The following MACROD2 variants were observed in gnomAD, a reference collection of about 807,000 sequenced individuals.
MACROD2 encodes the protein mono-ADP ribosylhydrolase 2, also known as ADP-ribose glycohydrolase MACROD2.
MACROD2 carries 36 observed loss-of-function variants against 70.4 expected under a neutral mutation model. The observed-to-expected ratio is 0.51, with a 90% CI of 0.39 to 0.68. MACROD2 has a LOEUF of 0.68. MACROD2 is among the 30% of genes least tolerant of loss of function. The pLI, the probability that MACROD2 is intolerant of heterozygous loss-of-function variation, is 0.00. For synonymous variants in MACROD2, 172 were observed against 178.8 expected (o/e 0.96, Z 0.30); for missense variants, 496 against 538.4 (o/e 0.92, Z 0.78).
intron 8 of MACROD2, among the ~76,000 whole-genome samples, chr20:15,581,563 A>C (rs1239832630): frequency 6.6e-6 from 1 of 152,204 alleles, no homozygotes; most frequent in Non-Finnish European, 1.5e-5. Flanking sequence ...AGAGGTCTCT[A>C]AGGCGTTATG....
intron 5 of MACROD2, among the ~76,000 whole-genome samples, chr20:14,989,303 G>T (rs1279011328): frequency 2.6e-5 from 4 of 152,178 alleles, no homozygotes; most frequent in Non-Finnish European, 4.4e-5. Context: ...TCTGATTAAT[G>T]ATTTTGATAC....
At chr20:14,886,087 A>G (rs1338699548) in intron 5 of MACROD2, among the ~76,000 whole-genome samples, 1 of 152,202 alleles carries the variant, frequency 6.6e-6, no homozygotes, top group Non-Finnish European at 1.5e-5. Flanking sequence ...AATAAATGTG[A>G]AGCAGGATGG....
chr20:14,830,620 T>C (rs2072953739), intron 5 of MACROD2, among the ~76,000 whole-genome samples: 1 of 152,110 alleles, frequency 6.6e-6, no homozygotes, highest in South Asian at 2.1e-4. Context: ...AACATGCAGA[T>C]TGAGAGAAAC....
intron 10 of MACROD2, among the ~76,000 whole-genome samples, chr20:15,902,994 A>G (rs1421596245): frequency 3.3e-5 from 5 of 152,258 alleles, no homozygotes; most frequent in African/African-American, 1.2e-4. Context: ...GATCTCTCTG[A>G]TTATTAAGTT....
intron 5 of MACROD2, among the ~76,000 whole-genome samples, chr20:14,962,680 ACTTCTTC>A (rs1348308391): frequency 4.7e-5 from 7 of 149,890 alleles, no homozygotes; most frequent in African/African-American, 1.7e-4. Flanking sequence ...TTTCTTCATT[ACTTCTTC>A]CTTCTTATCT....
At chr20:14,819,814 A>T (rs1304215577) in intron 5 of MACROD2, among the ~76,000 whole-genome samples, 1 of 152,102 alleles carries the variant, frequency 6.6e-6, no homozygotes, top group Non-Finnish European at 1.5e-5. Flanking sequence ...CATTGAAAGG[A>T]CAATGTGGCT....
chr20:14,685,891 G>A (rs1036202158), intron 5 of MACROD2, among the ~76,000 whole-genome samples: 4 of 152,130 alleles, frequency 2.6e-5, no homozygotes, highest in Admixed American at 6.5e-5. Flanking sequence ...GATACTATGG[G>A]TTATATATAG....
intron 8 of MACROD2, among the ~76,000 whole-genome samples, chr20:15,545,005 T>A (rs2048008230): frequency 6.6e-6 from 1 of 152,216 alleles, no homozygotes; most frequent in South Asian, 2.1e-4. Context: ...AATGTTTTCC[T>A]GCTAAATGTT....
intron 3 of MACROD2, among the ~76,000 whole-genome samples, chr20:14,289,997 TA>T (rs11087083): frequency 0.69 from 104,468 of 151,830 alleles, 36,521 homozygotes; most frequent in Non-Finnish European, 0.74. Context: ...AGTAGGAACT[TA>T]ACAGTTAAGT....
chr20:14,338,798 G>T (rs2082980541), intron 3 of MACROD2, among the ~76,000 whole-genome samples: 1 of 152,128 alleles, frequency 6.6e-6, no homozygotes, highest in Admixed American at 6.6e-5. Flanking sequence ...CTAATTAACA[G>T]AATTATACTT....
At chr20:15,098,646 C>G (rs183584849) in intron 5 of MACROD2, among the ~76,000 whole-genome samples, 1 of 152,172 alleles carries the variant, frequency 6.6e-6, no homozygotes, top group South Asian at 2.1e-4. Context: ...CCTTGCTATC[C>G]TAAGATTATA....
intron 5 of MACROD2, among the ~76,000 whole-genome samples, chr20:14,718,107 A>G (rs1230605681): frequency 6.6e-6 from 1 of 151,912 alleles, no homozygotes; most frequent in Non-Finnish European, 1.5e-5. Flanking sequence ...AGCCTGACCA[A>G]CATGGTGAAA....
chr20:15,258,382 G>T (rs977505383), intron 6 of MACROD2, among the ~76,000 whole-genome samples: 10 of 151,996 alleles, frequency 6.6e-5, no homozygotes, highest in African/African-American at 2.4e-4. Flanking sequence ...TCCCTTCATG[G>T]CAAGTGCCCT....
chr20:15,570,701 T>G (rs2048365860), intron 8 of MACROD2, among the ~76,000 whole-genome samples: 1 of 152,166 alleles, frequency 6.6e-6, no homozygotes, highest in Admixed American at 6.5e-5. Context: ...TCAGGTTCAT[T>G]CAAGTTTAGC....
At chr20:15,776,294 C>T (rs930956738) in intron 8 of MACROD2, among the ~76,000 whole-genome samples, 1 of 152,108 alleles carries the variant, frequency 6.6e-6, no homozygotes, top group Non-Finnish European at 1.5e-5. Context: ...TCCCTTACTC[C>T]CTTGACCTGC....
At chr20:14,684,712 C>A in intron 4 of MACROD2, 131 bp from the exon 5 acceptor site, 1 of 628,452 alleles carries the variant, frequency 1.6e-6, no homozygotes, top group East Asian at 3.1e-5. Flanking sequence ...CATTGGACAC[C>A]CTGGGTTTTC....
In MACROD2 at chr20:15,841,885, AG is replaced by A. The variant is rs543160728; in HGVS notation, c.646-20857del. On this transcript the variant is annotated intron_variant, in intron 8 of 17. Transcript: ENST00000684519. ...ATAGAGATGCAAAAAATTAAACAAG[AG>A]GGTTCAGTTCTACCCCATTTCCTCT... 1.8e-3 allele frequency among the ~76,000 whole-genome samples: 281 copies of A among 152,258 alleles called. 2 individuals are homozygous for A. The highest frequency in any genetic ancestry group is 3.2e-3 in the Non-Finnish European group (215 of 68,010).
intron 6 of MACROD2, among the ~76,000 whole-genome samples, chr20:15,308,894 C>G (rs953245472): frequency 3.3e-5 from 5 of 152,220 alleles, no homozygotes; most frequent in East Asian, 1.9e-4. Context: ...TTGACTGGGC[C>G]TCCTTGTGCT....
chr20:14,029,875 G>A (rs893022481), intron 2 of MACROD2, among the ~76,000 whole-genome samples: 1 of 152,126 alleles, frequency 6.6e-6, no homozygotes, highest in African/African-American at 2.4e-5. Context: ...GAACACCATT[G>A]AGTTTCTTTC....
Sources: allele counts gnomAD v4.1 joint callset (sites outside exome capture counted in the v4.1 genomes callset), GRCh38; gene constraint gnomAD v4.1.1; transcripts MANE v1.5; gene names NCBI Gene and HGNC (gene_info 2026-07-23, HGNC 2026-07-21).